Variants in MYO16 observed in about 807,000 individuals in gnomAD.
The protein encoded by MYO16 is unconventional myosin-XVI.
In MYO16, 94 loss-of-function variants were observed where a neutral mutation model predicts 205.3. The ratio of observed to expected loss-of-function variants is 0.46; its 90% CI spans 0.39 to 0.54. The LOEUF (loss-of-function observed/expected upper bound fraction) is 0.54, where lower values mean the gene tolerates loss of function less well. MYO16 is among the 20% of genes least tolerant of loss of function. The pLI is 0.00. For missense variants in MYO16, 2,315 were observed against 2,387.5 expected (o/e 0.97, Z 0.63); for synonymous variants, 988 against 954.0 (o/e 1.04, Z -0.66).
chr13:108,540,691 C>T, the MYO16 span, among the ~76,000 whole-genome samples: 1 of 152,052 alleles, frequency 6.6e-6, no homozygotes, highest in Non-Finnish European at 1.5e-5. Flanking sequence ...ATACAGCACA[C>T]CAATTTCTTC....
At chr13:108,962,161 C>A (rs1025300908) in intron 18 of MYO16, among the ~76,000 whole-genome samples, 1 of 152,126 alleles carries the variant, frequency 6.6e-6, no homozygotes, top group African/African-American at 2.4e-5. Flanking sequence ...TGGAAAAAAA[C>A]AATTCCATAC....
chr13:108,813,610 C>T (rs1478564908), intron 7 of MYO16, among the ~76,000 whole-genome samples: 1 of 152,080 alleles, frequency 6.6e-6, no homozygotes, highest in Non-Finnish European at 1.5e-5. Flanking sequence ...AGTCTATATC[C>T]AGTAACTAAT....
intron 5 of MYO16, among the ~76,000 whole-genome samples, chr13:108,793,240 C>T (rs572481258): frequency 2.3e-4 from 34 of 149,490 alleles, no homozygotes; most frequent in African/African-American, 7.7e-4. Context: ...GAGCAGCGAT[C>T]GCACCACTGC....
At chr13:108,578,888 ATATGTAT>A in the MYO16 span, among the ~76,000 whole-genome samples, 100 of 149,428 alleles carry the variant, frequency 6.7e-4, no homozygotes, top group Middle Eastern at 7.1e-3. Flanking sequence ...CATTATAATT[ATATGTAT>A]TATGTATTTA....
At chr13:108,735,150 A>G (rs955241857) in intron 4 of MYO16, among the ~76,000 whole-genome samples, 20 of 152,278 alleles carry the variant, frequency 1.3e-4, no homozygotes, top group African/African-American at 4.6e-4. Context: ...TCTAGGGTAC[A>G]TGTGCACAAC....
Position 109,162,367 on chromosome 13 carries a change from C to T in MYO16, c.5165-2534C>T, listed in dbSNP as rs368964499. Among the ~76,000 whole-genome samples, 1 of 152,260 alleles carries T rather than the reference C, an allele frequency of 6.6e-6. No individual in the cohort carries two copies. The highest frequency in any genetic ancestry group is 2.1e-4 in the South Asian group (1 of 4,818). Reference sequence around the variant, plus strand: ...GCCCTCACTGCGCTGAGAATAAAACCTCTCAGTTCCTCTTTGGTGGTTTCC... The same window carrying T: ...GCCCTCACTGCGCTGAGAATAAAACTTCTCAGTTCCTCTTTGGTGGTTTCC... On this transcript the variant is annotated intron_variant, in intron 32 of 34. Transcript: ENST00000457511. The surrounding 1 kb of genome is among the most constrained non-coding windows in gnomAD (Gnocchi z 4.6).
intron 4 of MYO16, among the ~76,000 whole-genome samples, chr13:108,732,453 G>C (rs2163457): frequency 3.3e-5 from 5 of 152,152 alleles, no homozygotes; most frequent in African/African-American, 1.2e-4. Context: ...CATGTGAGCC[G>C]GGAGCTACGT....
the MYO16 span, among the ~76,000 whole-genome samples, chr13:108,588,587 C>A: frequency 6.6e-6 from 1 of 152,128 alleles, no homozygotes; most frequent in Non-Finnish European, 1.5e-5. Flanking sequence ...GGTAAACATT[C>A]ATTATACTTG....
At chr13:108,510,042 T>C in the MYO16 span, among the ~76,000 whole-genome samples, 1 of 152,190 alleles carries the variant, frequency 6.6e-6, no homozygotes, top group Non-Finnish European at 1.5e-5. Flanking sequence ...TCCCCAATAT[T>C]AGTTCTGCCC....
chr13:108,859,318 T>G (rs1349379111), intron 11 of MYO16, among the ~76,000 whole-genome samples: 1 of 152,150 alleles, frequency 6.6e-6, no homozygotes, highest in African/African-American at 2.4e-5. Context: ...TAAGTAGACT[T>G]CCTCAACCAA....
At position 109,040,375 on chromosome 13, in the gene MYO16, C is replaced by G. The variant is rs1594493871; in HGVS notation, c.2797-6541C>G. Among the ~76,000 whole-genome samples, 6 of 79,246 alleles carry G rather than the reference C, an allele frequency of 7.6e-5. No individual in the cohort carries two copies. In the East Asian group the frequency reaches 8.2e-3, roughly 108 times the overall value. The allele number at this position is 79,246 out of a possible 152,430, so 52.0% of individuals were successfully genotyped here. On this transcript the variant is annotated intron_variant, in intron 23 of 34. Transcript: ENST00000457511. ...AGACAGTAGCATACACACACACACA[C>G]ACACACACACAGAGAGAGAGAGAGA...
intron 1 of MYO16, among the ~76,000 whole-genome samples, chr13:108,662,166 A>T (rs1881531875): frequency 6.6e-6 from 1 of 152,190 alleles, no homozygotes; most frequent in Non-Finnish European, 1.5e-5. Flanking sequence ...CGTGGATAAC[A>T]GTACCTGTTC....
chr13:109,161,704 T>A (rs1020822294), intron 32 of MYO16, among the ~76,000 whole-genome samples: 1 of 151,978 alleles, frequency 6.6e-6, no homozygotes, highest in Non-Finnish European at 1.5e-5. Flanking sequence ...TTTTTAAGAT[T>A]TAAAAAATTA....
chr13:108,712,862 G>A, intron 3 of MYO16, 131 bp downstream of exon 3: 1 of 651,160 alleles, frequency 1.5e-6, no homozygotes, highest in Non-Finnish European at 2.5e-6. Context: ...CTAATTAACA[G>A]GCTTGGATGA....
At chr13:109,062,542 C>T (rs1431899160) in intron 27 of MYO16, among the ~76,000 whole-genome samples, 1 of 152,056 alleles carries the variant, frequency 6.6e-6, no homozygotes, top group Non-Finnish European at 1.5e-5. Flanking sequence ...TCTGTAATGG[C>T]ATATCAGTGG....
At chr13:108,623,261 A>G (rs906455798) in intron 1 of MYO16, among the ~76,000 whole-genome samples, 23 of 152,202 alleles carry the variant, frequency 1.5e-4, no homozygotes, top group African/African-American at 5.3e-4. Context: ...CTTATCCAAA[A>G]GGCCTGAGAC....
chr13:108,919,447 C>CA (rs1451158612), intron 16 of MYO16, among the ~76,000 whole-genome samples: 3 of 152,200 alleles, frequency 2.0e-5, no homozygotes, highest in Non-Finnish European at 4.4e-5. Flanking sequence ...CGCAAGGCGA[C>CA]AGAGATGGCT....
At chr13:109,196,061 A>T (rs1429875505) in intron 34 of MYO16, among the ~76,000 whole-genome samples, 1 of 152,186 alleles carries the variant, frequency 6.6e-6, no homozygotes, top group Admixed American at 6.5e-5. Context: ...AAATAAGTGA[A>T]CTAATTACAA....
At chr13:108,993,360 T>C (rs1884900277) in intron 21 of MYO16, among the ~76,000 whole-genome samples, 1 of 152,144 alleles carries the variant, frequency 6.6e-6, no homozygotes, top group Non-Finnish European at 1.5e-5. Context: ...AGTTCTGAGA[T>C]TAAACATAAT....
Sources: gnomAD v4.1 joint callset for allele counts (sites outside exome capture counted in the v4.1 genomes callset) on GRCh38, gnomAD v4.1.1 for gene constraint, Gnocchi (gnomAD v3.1) non-coding constraint, MANE v1.5 for transcripts, NCBI Gene and HGNC (gene_info 2026-07-23, HGNC 2026-07-21) for gene names.